The following MERTK variants were observed in gnomAD, a reference collection of about 807,000 sequenced individuals.
MERTK encodes the protein tyrosine-protein kinase Mer.
In MERTK, 69 loss-of-function variants were observed where a neutral mutation model predicts 99.3. That is an observed-to-expected ratio of 0.70 (90% CI 0.57 to 0.85). The LOEUF (loss-of-function observed/expected upper bound fraction) is 0.85. Ranked by LOEUF, MERTK falls within the 40% of genes least tolerant of loss-of-function variation. The pLI is 0.00. For missense variants in MERTK, 1,125 were observed against 1,249.4 expected, an observed-to-expected ratio of 0.90 and a Z score of 1.50; for synonymous variants, 426 against 467.6, an observed-to-expected ratio of 0.91 and a Z score of 1.15.
chr2:111,919,553 A>G (rs1684415276), intron 1 of MERTK, among the ~76,000 whole-genome samples: 1 of 151,984 alleles, frequency 6.6e-6, no homozygotes, highest in African/African-American at 2.4e-5. Context: ...TTCTGGTTGC[A>G]TTGGTGCCCC....
chr2:111,928,696 G>A (rs1274418544), intron 1 of MERTK, among the ~76,000 whole-genome samples: 3 of 152,030 alleles, frequency 2.0e-5, no homozygotes, highest in Non-Finnish European at 4.4e-5. Context: ...ATGTTGGCCA[G>A]GCTTGTCTCA....
rs1006117736 is a variant in MERTK at position 111,973,032 on chromosome 2, G to C, written c.961-2257G>C. On this transcript the variant is annotated intron_variant, in intron 6 of 18. Transcript: ENST00000295408. ...ACACCCTCTCACTTCCTTTGGTCCT[G>C]ATCTTAGCTCTTTTCTTCACCCATT... Among the ~76,000 whole-genome samples, 4 of 152,118 alleles carry C rather than the reference G, an allele frequency of 2.6e-5. No homozygotes were observed. The South Asian group carries it at 8.3e-4, about 31-fold the overall frequency.
At chr2:111,918,715 T>G (rs189767881) in intron 1 of MERTK, among the ~76,000 whole-genome samples, 2 of 152,258 alleles carry the variant, frequency 1.3e-5, no homozygotes, top group Non-Finnish European at 2.9e-5. Context: ...GTTGCACCTT[T>G]GAAACAAGAC....
chr2:111,905,023 A>G (rs1193938762), intron 1 of MERTK, among the ~76,000 whole-genome samples: 1 of 152,240 alleles, frequency 6.6e-6, no homozygotes. Context: ...CCGAAGTGCT[A>G]AAAATGCAGC....
At chr2:111,941,129 AT>A in intron 2 of MERTK, 1 of 353,850 alleles carries the variant, frequency 2.8e-6, no homozygotes, top group East Asian at 6.3e-5. Context: ...ATGCCTGAAA[AT>A]GCCATTCTTT....
chr2:112,027,569 A>C lies in MERTK; in HGVS notation c.2487-782A>C, dbSNP rs565766991. On this transcript the variant is annotated intron_variant, in intron 18 of 18. Coordinates refer to ENST00000295408, the MANE Select transcript of MERTK (RefSeq NM_006343.3). ...CACCCAGAAGAGAGTTGCCCTCTAT[A>C]AAACAAAGTGGAAGGAGTTGTGAGG... Among the ~76,000 whole-genome samples the C allele has an allele frequency of 6.3e-4, 96 of 152,186 alleles. 2 individuals are homozygous for C. Among genetic ancestry groups the C allele is most frequent in the Non-Finnish European group, 1.8e-4 (12 of 68,006 alleles).
intron 16 of MERTK, 66 bp downstream of exon 16, chr2:112,019,588 G>A: frequency 8.4e-7 from 1 of 1,191,046 alleles, no homozygotes; most frequent in Non-Finnish European, 1.3e-6. Context: ...CAGGGTTAGT[G>A]AGAGGACCTG....
At chr2:111,996,976 G>T (rs1676758673) in intron 9 of MERTK, 2 of 313,618 alleles carry the variant, frequency 6.4e-6, no homozygotes, top group South Asian at 6.3e-5. Context: ...AATATTAGTT[G>T]TAATTTTGTT....
At chr2:111,906,811 T>C (rs1399316101) in intron 1 of MERTK, among the ~76,000 whole-genome samples, 1 of 152,264 alleles carries the variant, frequency 6.6e-6, no homozygotes, top group Admixed American at 6.5e-5. Flanking sequence ...AGTTGAAAGA[T>C]GTAAGTTCTC....
At chr2:111,920,804 G>A (rs936699013) in intron 1 of MERTK, among the ~76,000 whole-genome samples, 9 of 152,032 alleles carry the variant, frequency 5.9e-5, no homozygotes, top group Non-Finnish European at 1.3e-4. Context: ...ACAGGCGCCT[G>A]CCACCAGGCC....
chr2:111,975,683 G>C (rs1676232658), intron 7 of MERTK, among the ~76,000 whole-genome samples: 1 of 152,148 alleles, frequency 6.6e-6, no homozygotes, highest in Non-Finnish European at 1.5e-5. Flanking sequence ...GTTATGTATA[G>C]GTAATCTTTT....
chr2:111,997,566 T>G, intron 10 of MERTK, 90 bp downstream of exon 10: 1 of 1,467,686 alleles, frequency 6.8e-7, no homozygotes, highest in Admixed American at 1.8e-5. Context: ...GCCAGCTGCT[T>G]ACATTGCTCC....
Position 111,965,252 on chromosome 2 carries a change from C to A in MERTK, c.819C>A (p.Ser273=). The A allele has an allele frequency of 6.2e-7, 1 of 1,614,168 alleles. No individual in the cohort carries two copies. The highest frequency in any genetic ancestry group is 8.5e-7 in the Non-Finnish European group (1 of 1,180,024). Reference sequence around the variant, plus strand: ...ACAATGACAAAGGGCTGACCGTGTCCAAGGGAGTGCAGATCAACATCAAAG... The same window carrying A: ...ACAATGACAAAGGGCTGACCGTGTCAAAGGGAGTGCAGATCAACATCAAAG... ...EAHNDKGLTV[S]KGVQINIKAI... The change falls in exon 5 of 19, where the codon TCC becomes TCA. Residue 273 remains serine, a synonymous_variant. Transcript: ENST00000295408.
intron 9 of MERTK, chr2:111,994,740 C>G: frequency 2.7e-6 from 1 of 366,472 alleles, no homozygotes; most frequent in South Asian, 2.1e-5. Flanking sequence ...GATCACACCA[C>G]TGTACTCTAG....
At chr2:111,926,067 G>A (rs956833414) in intron 1 of MERTK, among the ~76,000 whole-genome samples, 26 of 151,826 alleles carry the variant, frequency 1.7e-4, no homozygotes, top group African/African-American at 5.3e-4. Context: ...TCCTGACCTC[G>A]TGATCCGCCT....
chr2:111,921,258 G>T (rs989939767), intron 1 of MERTK, among the ~76,000 whole-genome samples: 5 of 152,114 alleles, frequency 3.3e-5, no homozygotes, highest in African/African-American at 1.2e-4. Flanking sequence ...TCTGAACTTT[G>T]GGAGGTGAAG....
rs1461788401 is a variant in MERTK at position 111,929,494 on chromosome 2, C to T, written c.436C>T (p.Gln146Ter). ...GCTTGGGGCACATCATGCAATTACACAGTTTTATCCAGATGATGAAGTTAC... is the reference window on the plus strand; with the variant it reads ...GCTTGGGGCACATCATGCAATTACATAGTTTTATCCAGATGATGAAGTTAC... ...ELLGAHHAIT[Q>*]FYPDDEVTAI... The change falls in exon 2 of 19, where the codon CAG becomes TAG. Residue 146 changes from glutamine to a stop codon, truncating the protein, a stop_gained. Transcript: ENST00000295408. LOFTEE classifies it high-confidence loss of function. 2 of 1,613,990 alleles carry T rather than the reference C, an allele frequency of 1.2e-6. No homozygotes were observed. Among genetic ancestry groups the T allele is most frequent in the South Asian group, 2.2e-5 (2 of 91,038 alleles).
chr2:111,941,801 C>A (rs1306123954), intron 2 of MERTK, among the ~76,000 whole-genome samples: 1 of 152,232 alleles, frequency 6.6e-6, no homozygotes. Context: ...AACTGCTAAG[C>A]CCTTCCTGCC....
At chr2:111,974,356 C>T in intron 6 of MERTK, among the ~76,000 whole-genome samples, 1 of 151,716 alleles carries the variant, frequency 6.6e-6, no homozygotes, top group Non-Finnish European at 1.5e-5. Flanking sequence ...CATTGCACTC[C>T]AGCCTGGGCA....
Sources: allele counts gnomAD v4.1 joint callset (sites outside exome capture counted in the v4.1 genomes callset), GRCh38; gene constraint gnomAD v4.1.1; transcripts MANE v1.5; gene names NCBI Gene and HGNC (gene_info 2026-07-23, HGNC 2026-07-21).